The following CUL3 variants were observed in gnomAD, a reference collection of about 807,000 sequenced individuals.
The protein encoded by CUL3 is cullin 3, also known as cullin-3.
Under a neutral mutation model 89.1 loss-of-function variants are expected in CUL3, and 19 were observed. The ratio of observed to expected loss-of-function variants is 0.21; its 90% confidence interval spans 0.15 to 0.31. The LOEUF is 0.31. Ranked by LOEUF, CUL3 falls within the 10% of genes least tolerant of loss-of-function variation. CUL3 has a pLI of 1.00. For missense variants in CUL3, 469 were observed against 942.3 expected (o/e 0.50, Z 6.58); for synonymous variants, 351 against 308.4 (o/e 1.14, Z -1.45).
intron 1 of CUL3, among the ~76,000 whole-genome samples, chr2:224,583,369 AAAG>A (rs1229531753): frequency 6.6e-6 from 1 of 152,242 alleles, no homozygotes; most frequent in Non-Finnish European, 1.5e-5. Context: ...TCTCAAAAAA[AAAG>A]AAAATCTGTT....
intron 2 of CUL3, among the ~76,000 whole-genome samples, chr2:224,549,832 T>C (rs567102116): frequency 6.6e-6 from 1 of 152,202 alleles, no homozygotes. Flanking sequence ...CGTGCTTTAG[T>C]ATCTGACTTA....
chr2:224,497,642 G>C, intron 12 of CUL3, 111 bp downstream of exon 12: 1 of 758,626 alleles, frequency 1.3e-6, no homozygotes, highest in Non-Finnish European at 2.2e-6. Flanking sequence ...TAACATGTGA[G>C]ACAGGCAGAG....
chr2:224,507,820 AAC>A (rs1296674749), intron 6 of CUL3, among the ~76,000 whole-genome samples: 4 of 152,150 alleles, frequency 2.6e-5, no homozygotes, highest in South Asian at 2.1e-4. Flanking sequence ...TTACTGGGAG[AAC>A]ACAGTGTCAG....
At chr2:224,568,813 A>C (rs1473709236) in intron 1 of CUL3, among the ~76,000 whole-genome samples, 1 of 152,224 alleles carries the variant, frequency 6.6e-6, no homozygotes, top group Non-Finnish European at 1.5e-5. Context: ...ACTACATATC[A>C]AATGAAATGG....
intron 6 of CUL3, among the ~76,000 whole-genome samples, chr2:224,509,633 C>G (rs539765388): frequency 1.3e-5 from 2 of 152,344 alleles, no homozygotes; most frequent in East Asian, 3.9e-4. Context: ...TTCCTTCATT[C>G]ACGTAAGTGC....
intron 2 of CUL3, among the ~76,000 whole-genome samples, chr2:224,555,317 C>T (rs980215757): frequency 7.2e-5 from 11 of 152,120 alleles, no homozygotes; most frequent in Non-Finnish European, 1.3e-4. Context: ...CAATCTTTGT[C>T]TAGACTTAAG....
intron 2 of CUL3, among the ~76,000 whole-genome samples, chr2:224,554,751 T>C (rs183559811): frequency 1.3e-4 from 20 of 152,326 alleles, no homozygotes; most frequent in Admixed American, 1.3e-3. Flanking sequence ...TCATTCCCTA[T>C]AGAACCTCTG....
chr2:224,495,506 A>G (rs989386216), intron 13 of CUL3: 1 of 177,140 alleles, frequency 5.6e-6, no homozygotes, highest in South Asian at 1.4e-4. Flanking sequence ...GGCAAGGGGT[A>G]CAACGCAATT....
intron 3 of CUL3, among the ~76,000 whole-genome samples, chr2:224,515,478 C>G (rs1693004822): frequency 6.6e-6 from 1 of 152,186 alleles, no homozygotes; most frequent in Non-Finnish European, 1.5e-5. Context: ...TTTCTCGTCT[C>G]AGCAAGGATC....
chr2:224,480,944 A>T (rs1311103290), intron 14 of CUL3, among the ~76,000 whole-genome samples: 1 of 152,160 alleles, frequency 6.6e-6, no homozygotes, highest in Non-Finnish European at 1.5e-5. Flanking sequence ...AAGGGGGCAA[A>T]GCCTTGCCAG....
chr2:224,489,981 C>G (rs1043718071), intron 13 of CUL3, among the ~76,000 whole-genome samples: 2 of 152,166 alleles, frequency 1.3e-5, no homozygotes, highest in Non-Finnish European at 1.5e-5. Flanking sequence ...TATCCAGAAT[C>G]TACAAGGAAC....
At position 224,538,750 on chromosome 2, in the gene CUL3, G is replaced by A. The variant is rs540754823; in HGVS notation, c.265-3109C>T. Among the ~76,000 whole-genome samples, 44 of 152,358 alleles carry A rather than the reference G, an allele frequency of 2.9e-4. 1 individual carries two copies. The highest frequency in any genetic ancestry group is 3.9e-4 in the Admixed American group (6 of 15,304). ...TGGGACCAGCTGTGACAAAAAAGAT[G>A]AAGTGCAAGTAATGGAGAACTGATG... On this transcript the variant is annotated intron_variant, in intron 2 of 15. Coordinates refer to ENST00000264414, the MANE Select transcript of CUL3 (RefSeq NM_003590.5).
At chr2:224,571,446 C>A (rs1253071837) in intron 1 of CUL3, among the ~76,000 whole-genome samples, 1 of 151,942 alleles carries the variant, frequency 6.6e-6, no homozygotes, top group African/African-American at 2.4e-5. Context: ...AAGACAATGA[C>A]AAATTGATTG....
At chr2:224,584,117 C>G (rs74682211) in intron 1 of CUL3, among the ~76,000 whole-genome samples, 1 of 152,050 alleles carries the variant, frequency 6.6e-6, no homozygotes, top group East Asian at 1.9e-4. Flanking sequence ...CGCAAGGGTA[C>G]GACTCAACGT....
At chr2:224,548,485 CTT>C (rs572198028) in intron 2 of CUL3, among the ~76,000 whole-genome samples, 1 of 151,940 alleles carries the variant, frequency 6.6e-6, no homozygotes, top group Non-Finnish European at 1.5e-5. Context: ...TAAATGTTAA[CTT>C]TTTTTTGTTC....
At position 224,475,721 on chromosome 2, in the gene CUL3, C is replaced by T. The variant is rs76348274; in HGVS notation, c.2176-1345G>A. ...CAGCTCCTATCGACTTGCTCCCTCCCCTGTTTAACCGAGCCTAAACTGCAT... is the reference window on the plus strand; with the variant it reads ...CAGCTCCTATCGACTTGCTCCCTCCTCTGTTTAACCGAGCCTAAACTGCAT... On this transcript the variant is annotated intron_variant, in intron 15 of 15. Transcript: ENST00000264414. Among the ~76,000 whole-genome samples, 538 of 152,282 alleles carry T rather than the reference C, an allele frequency of 3.5e-3. 2 individuals carry two copies. Among genetic ancestry groups the T allele is most frequent in the Non-Finnish European group, 4.3e-3 (292 of 68,024 alleles).
chr2:224,511,640 T>G, intron 5 of CUL3, 58 bp from the exon 6 acceptor site: 1 of 947,984 alleles, frequency 1.1e-6, no homozygotes, highest in East Asian at 2.7e-5. Context: ...GTTTTTGCTT[T>G]TAGCTGGGTT....
At chr2:224,527,433 G>A (rs575747457) in intron 3 of CUL3, among the ~76,000 whole-genome samples, 124 of 152,072 alleles carry the variant, frequency 8.2e-4, no homozygotes, top group African/African-American at 2.8e-3. Flanking sequence ...AATTCTCCAC[G>A]GTAGCTTTAG....
chr2:224,514,970 T>G (rs575092288), intron 3 of CUL3, among the ~76,000 whole-genome samples, 198 bp from the exon 4 acceptor site: 118 of 152,188 alleles, frequency 7.8e-4, no homozygotes, highest in Non-Finnish European at 1.3e-3. Flanking sequence ...CAATTGACAA[T>G]GGCTATAAAT....
Sources: allele counts gnomAD v4.1 joint callset (sites outside exome capture counted in the v4.1 genomes callset), GRCh38; gene constraint gnomAD v4.1.1; transcripts MANE v1.5; gene names NCBI Gene and HGNC (gene_info 2026-07-23, HGNC 2026-07-21).